The following CCDC171 variants were observed in gnomAD, a reference collection of about 807,000 sequenced individuals.
CCDC171 encodes coiled-coil domain containing 171.
In CCDC171, 177 loss-of-function variants were observed where a neutral mutation model predicts 168.2. That is an observed-to-expected ratio of 1.05 (90% CI 0.93 to 1.19). The LOEUF (loss-of-function observed/expected upper bound fraction) is 1.19. Among genes scored for constraint, CCDC171 ranks in the 50% most tolerant of loss-of-function variants. CCDC171 has a pLI of 0.00. For missense variants in CCDC171, 1,991 were observed against 1,539.0 expected, an observed-to-expected ratio of 1.29 and a Z score of -4.91; for synonymous variants, 687 against 540.8, an observed-to-expected ratio of 1.27 and a Z score of -3.75.
chr9:15,698,518 C>T (rs1195148973), intron 11 of CCDC171, among the ~76,000 whole-genome samples: 16 of 45,740 alleles, frequency 3.5e-4, no homozygotes, highest in Non-Finnish European at 5.6e-4. Flanking sequence ...AAGACCCCGT[C>T]TCAAAAAAAA....
chr9:15,627,103 T>C (rs2045206730), intron 7 of CCDC171, among the ~76,000 whole-genome samples: 1 of 152,250 alleles, frequency 6.6e-6, no homozygotes, highest in African/African-American at 2.4e-5. Flanking sequence ...TTTATTTGCA[T>C]AGAGGTGTTC....
rs542006927 is a variant in CCDC171, at chr9:15,819,450, A to G, written c.3268-27252A>G. ...GTGCTGTATTCAGGAAACCCATCTC[A>G]CGTGCAGAGACACCCATAGACTCAA... On this transcript the variant is annotated intron_variant, in intron 21 of 25. Transcript: ENST00000380701. 1.3e-3 allele frequency among the ~76,000 whole-genome samples: 149 copies of G among 117,256 alleles called. 44 individuals are homozygous for G. The highest frequency in any genetic ancestry group is 2.0e-3 in the Non-Finnish European group (106 of 52,258). The allele number at this position is 117,256 out of a possible 152,430, so 76.9% of individuals were successfully genotyped here.
upstream of CCDC171, among the ~76,000 whole-genome samples, chr9:16,039,352 G>A (rs1342219487): frequency 6.6e-6 from 1 of 152,162 alleles, no homozygotes; most frequent in Non-Finnish European, 1.5e-5. Context: ...ATGTAACTTG[G>A]CTACGATTTT....
At chr9:15,635,333 A>G (rs2046120053) in intron 7 of CCDC171, among the ~76,000 whole-genome samples, 1 of 152,188 alleles carries the variant, frequency 6.6e-6, no homozygotes, top group Non-Finnish European at 1.5e-5. Context: ...TTGGAGAAAT[A>G]GCTATTTACA....
chr9:15,697,610 G>T (rs1393494607), intron 11 of CCDC171, among the ~76,000 whole-genome samples: 2 of 152,136 alleles, frequency 1.3e-5, no homozygotes, highest in Non-Finnish European at 2.9e-5. Context: ...TTCCCAGTAT[G>T]TTTGAATGTT....
intron 22 of CCDC171, among the ~76,000 whole-genome samples, chr9:15,848,133 G>A (rs1301828901): frequency 6.6e-6 from 1 of 151,880 alleles, no homozygotes; most frequent in East Asian, 1.9e-4. Context: ...GATTCAAATT[G>A]TATTTTCAAA....
intron 24 of CCDC171, among the ~76,000 whole-genome samples, chr9:15,907,705 A>G (rs1225838739): frequency 6.6e-6 from 1 of 152,240 alleles, no homozygotes; most frequent in African/African-American, 2.4e-5. Context: ...AGAAACTACC[A>G]TCAGAGTGAA....
intron 24 of CCDC171, among the ~76,000 whole-genome samples, chr9:15,914,862 C>T (rs1824271493): frequency 2.0e-5 from 3 of 152,154 alleles, no homozygotes; most frequent in Admixed American, 6.5e-5. Flanking sequence ...CCATCCCTCA[C>T]GTCAGGGTCC....
intron 25 of CCDC171, among the ~76,000 whole-genome samples, chr9:15,932,959 A>C (rs768202172): frequency 2.0e-5 from 3 of 151,976 alleles, no homozygotes; most frequent in Non-Finnish European, 4.4e-5. Flanking sequence ...ATCACAGTGA[A>C]TAATCTGTTT....
At chr9:16,048,387 T>A (rs1833694801) in intron 1 of CCDC171, among the ~76,000 whole-genome samples, 1 of 152,154 alleles carries the variant, frequency 6.6e-6, no homozygotes. Context: ...GCAGGTTGCC[T>A]TGGAAGGTCC....
intron 21 of CCDC171, among the ~76,000 whole-genome samples, chr9:15,832,210 C>G (rs2060263509): frequency 6.6e-6 from 1 of 152,156 alleles, no homozygotes; most frequent in Non-Finnish European, 1.5e-5. Flanking sequence ...AGTGGACATT[C>G]AAATGGTGAG....
At chr9:15,993,927 T>G (rs183030411) in intron 3 of CCDC171, among the ~76,000 whole-genome samples, 1 of 152,038 alleles carries the variant, frequency 6.6e-6, no homozygotes, top group Admixed American at 6.5e-5. Flanking sequence ...CATTGAAAAG[T>G]CAGGAAATAA....
intron 24 of CCDC171, among the ~76,000 whole-genome samples, chr9:15,909,538 G>T (rs1439989361): frequency 4.6e-5 from 7 of 152,136 alleles, no homozygotes; most frequent in Non-Finnish European, 8.8e-5. Flanking sequence ...ACAAGTATTT[G>T]TGGGCAGGAC....
At chr9:15,971,283 T>C (rs1831333357) in intron 25 of CCDC171, among the ~76,000 whole-genome samples, 1 of 152,166 alleles carries the variant, frequency 6.6e-6, no homozygotes, top group Non-Finnish European at 1.5e-5. Flanking sequence ...TTCTGTAAAT[T>C]GCCAATGGAC....
intron 6 of CCDC171, among the ~76,000 whole-genome samples, chr9:15,612,465 C>T (rs2043768915): frequency 6.6e-6 from 1 of 152,112 alleles, no homozygotes; most frequent in African/African-American, 2.4e-5. Context: ...TATGTTTAAT[C>T]ATATCTGTTT....
chr9:15,710,367 A>G (rs2052569569), intron 11 of CCDC171, among the ~76,000 whole-genome samples: 3 of 151,616 alleles, frequency 2.0e-5, no homozygotes, highest in African/African-American at 7.3e-5. Context: ...GAGTGGCGCC[A>G]TCTCAGCTCA....
chr9:15,929,679 C>G (rs1382443305), intron 25 of CCDC171, among the ~76,000 whole-genome samples: 1 of 151,802 alleles, frequency 6.6e-6, no homozygotes, highest in African/African-American at 2.4e-5. Context: ...TTGCAATGGT[C>G]TTCCAATAAG....
chr9:15,613,197 G>A (rs896811041), intron 6 of CCDC171, among the ~76,000 whole-genome samples: 3 of 152,100 alleles, frequency 2.0e-5, no homozygotes, highest in Non-Finnish European at 4.4e-5. Context: ...GTTTCTCTAC[G>A]TCTTTGCCAT....
At chr9:15,956,908 A>G (rs984497983) in intron 25 of CCDC171, among the ~76,000 whole-genome samples, 1 of 152,108 alleles carries the variant, frequency 6.6e-6, no homozygotes, top group Non-Finnish European at 1.5e-5. Flanking sequence ...TAATGATGTA[A>G]TGGAAAAATT....
Sources: allele counts gnomAD v4.1 joint callset (sites outside exome capture counted in the v4.1 genomes callset), GRCh38; gene constraint gnomAD v4.1.1; transcripts MANE v1.5; gene names NCBI Gene and HGNC (gene_info 2026-07-23, HGNC 2026-07-21).